The following PAX8 variants were observed in gnomAD, a reference collection of about 807,000 sequenced individuals.
The protein encoded by PAX8 is paired box 8, also known as paired box protein Pax-8.
Under a neutral mutation model 52.4 loss-of-function variants are expected in PAX8, and 15 were observed. The observed-to-expected ratio is 0.29, with a 90% CI of 0.19 to 0.44. The LOEUF (loss-of-function observed/expected upper bound fraction) is 0.44. PAX8 is among the 20% of genes least tolerant of loss of function. PAX8 has a pLI of 1.00. For synonymous variants in PAX8, 284 were observed against 249.7 expected (o/e 1.14, Z -1.29); for missense variants, 554 against 602.5 (o/e 0.92, Z 0.84).
chr2:113,222,410 A>G (rs569023586), intron 10 of PAX8, among the ~76,000 whole-genome samples: 10 of 152,326 alleles, frequency 6.6e-5, no homozygotes, highest in African/African-American at 1.9e-4. Context: ...ACTACCATTT[A>G]CCGAGTACCT....
chr2:113,235,629 G>T, intron 8 of PAX8, 47 bp from the exon 9 acceptor site: 1 of 1,498,832 alleles, frequency 6.7e-7, no homozygotes. Context: ...GTGAGATGGC[G>T]GGGAGGGAAC....
Position 113,216,547 on chromosome 2 carries a change from G to GC in PAX8, c.*1985dup. 1 of 229,940 alleles carries GC rather than the reference G, an allele frequency of 4.3e-6. No individual in the cohort carries two copies. The allele number at this position is 229,940 out of a possible 1,614,324, so 14.2% of individuals were successfully genotyped here. ...AGAAGGTCCATGTGGACACCAGACA[G>GC]CCCCCTGGAGTGCAGAGCCCGAGCT... On this transcript the variant is annotated 3_prime_UTR_variant, in exon 12 of 12. Coordinates refer to ENST00000429538, the MANE Select transcript of PAX8 (RefSeq NM_003466.4).
At chr2:113,251,635 A>T (rs1370394833) in intron 2 of PAX8, among the ~76,000 whole-genome samples, 1 of 152,184 alleles carries the variant, frequency 6.6e-6, no homozygotes, top group Non-Finnish European at 1.5e-5. Context: ...GCTGTCCAGA[A>T]ACATATCCTT....
chr2:113,226,857 G>C, intron 10 of PAX8: 1 of 1,306,920 alleles, frequency 7.7e-7, no homozygotes, highest in Non-Finnish European at 9.9e-7. Flanking sequence ...ACTGGAAGAA[G>C]TGGTGGAGCT....
intron 10 of PAX8, 186 bp downstream of exon 10, chr2:113,226,969 G>A (rs550374188): frequency 7.8e-5 from 117 of 1,505,602 alleles, no homozygotes; most frequent in South Asian, 6.3e-4. Flanking sequence ...AGTTAAATAG[G>A]GAGTCAGGAC....
intron 2 of PAX8, among the ~76,000 whole-genome samples, chr2:113,277,157 G>C (rs906025802): frequency 1.3e-5 from 2 of 152,194 alleles, no homozygotes; most frequent in Non-Finnish European, 1.5e-5. Context: ...GCGCCTTCTG[G>C]GGGCAGCCGG....
At chr2:113,226,990 C>T in intron 10 of PAX8, 165 bp downstream of exon 10, 1 of 1,524,454 alleles carries the variant, frequency 6.6e-7, no homozygotes, top group Non-Finnish European at 8.8e-7. Context: ...TGCACTGGGA[C>T]ATCGTCTCCA....
rs1553414838 is a variant in PAX8 at position 113,245,055 on chromosome 2, T to TG, written c.192-432_192-431insC. Among the ~76,000 whole-genome samples, 894 of 151,036 alleles carry TG rather than the reference T, an allele frequency of 5.9e-3. 5 individuals are homozygous for TG. Among genetic ancestry groups the TG allele is most frequent in the Non-Finnish European group, 9.7e-3 (653 of 67,650 alleles). ...ACTGAGGTTTTTTTTGTTTTTTTTT[T>TG]TTGTTTTTTGAGACAGGGTCTCAAT... On this transcript the variant is annotated intron_variant, in intron 3 of 11. Transcript: ENST00000429538.
chr2:113,250,376 G>A (rs79915876), intron 2 of PAX8, among the ~76,000 whole-genome samples: 3,553 of 152,258 alleles, frequency 0.023, 79 homozygotes, highest in Middle Eastern at 0.12. Context: ...ATATTCCCAT[G>A]GTTGAATGTT....
intron 1 of PAX8, 42 bp from the exon 2 acceptor site, chr2:113,278,511 C>A: frequency 1.4e-6 from 2 of 1,467,986 alleles, no homozygotes; most frequent in Non-Finnish European, 1.9e-6. Context: ...CGATGAGATT[C>A]GATGCCTGCA....
At chr2:113,234,426 G>T (rs1015300825) in intron 9 of PAX8, among the ~76,000 whole-genome samples, 12 of 152,238 alleles carry the variant, frequency 7.9e-5, no homozygotes, top group Admixed American at 5.9e-4. Flanking sequence ...ACCTTGGCAG[G>T]GACCTTCTCC....
At chr2:113,269,313 C>CA (rs1408950789) in intron 2 of PAX8, 1 of 152,218 alleles carries the variant, frequency 6.6e-6, no homozygotes, top group Non-Finnish European at 1.5e-5. Flanking sequence ...CTGGAGAAAG[C>CA]CAGATGGGGT....
intron 7 of PAX8, chr2:113,237,849 C>T (rs1237346206): frequency 6.6e-6 from 1 of 152,204 alleles, no homozygotes; most frequent in Non-Finnish European, 1.5e-5. Flanking sequence ...AACAGTGCCA[C>T]TAAAGGCAAT....
At chr2:113,220,712 G>GTT (rs1392250216) in intron 10 of PAX8, among the ~76,000 whole-genome samples, 1 of 152,294 alleles carries the variant, frequency 6.6e-6, no homozygotes, top group East Asian at 1.9e-4. Context: ...GAGTGTGTGT[G>GTT]TTTGTGTGCA....
At chr2:113,250,558 A>C (rs189265677) in intron 2 of PAX8, among the ~76,000 whole-genome samples, 5 of 152,322 alleles carry the variant, frequency 3.3e-5, no homozygotes, top group Admixed American at 6.5e-5. Flanking sequence ...GTTTCTAAGA[A>C]GTTTCCACAT....
At chr2:113,226,311 T>A in intron 10 of PAX8, 1 of 985,524 alleles carries the variant, frequency 1.0e-6, no homozygotes, top group Non-Finnish European at 1.2e-6. Context: ...CAGAGCTCTT[T>A]CCAGAAACTC....
chr2:113,238,125 A>AATGG (rs1690523472), intron 7 of PAX8: 1 of 145,158 alleles, frequency 6.9e-6, no homozygotes, highest in Non-Finnish European at 1.5e-5. Context: ...GCTGGAGTGC[A>AATGG]ATGGTGCGAT....
intron 9 of PAX8, among the ~76,000 whole-genome samples, chr2:113,231,565 C>T (rs963115798): frequency 5.3e-5 from 8 of 152,102 alleles, no homozygotes; most frequent in South Asian, 2.1e-4. Context: ...TTGCAGGAGG[C>T]GGCAGCGAGG....
At chr2:113,277,966 A>C (rs1558767652) in intron 2 of PAX8, among the ~76,000 whole-genome samples, 1 of 152,120 alleles carries the variant, frequency 6.6e-6, no homozygotes. Context: ...GACTGCGCGC[A>C]CCCGAGGAAG....
Sources: allele counts gnomAD v4.1 joint callset (sites outside exome capture counted in the v4.1 genomes callset), GRCh38; gene constraint gnomAD v4.1.1; transcripts MANE v1.5; gene names NCBI Gene and HGNC (gene_info 2026-07-23, HGNC 2026-07-21).